The following TNFRSF8 variants were observed in gnomAD, a reference collection of about 807,000 sequenced individuals.
TNFRSF8 encodes tumor necrosis factor receptor superfamily member 8.
TNFRSF8 carries 26 observed loss-of-function variants against 70.8 expected under a neutral mutation model. The ratio of observed to expected loss-of-function variants is 0.37; its 90% CI spans 0.27 to 0.51. The LOEUF (loss-of-function observed/expected upper bound fraction) is 0.51. Ranked by LOEUF, TNFRSF8 falls within the 20% of genes least tolerant of loss-of-function variation. The pLI, the probability that TNFRSF8 is intolerant of heterozygous loss-of-function variation, is 0.94. For synonymous variants in TNFRSF8, 356 were observed against 339.2 expected (o/e 1.05, Z -0.54); for missense variants, 720 against 807.9 (o/e 0.89, Z 1.32).
At chr1:12,134,704 C>G (rs1642113329) in intron 12 of TNFRSF8, among the ~76,000 whole-genome samples, 1 of 152,208 alleles carries the variant, frequency 6.6e-6, no homozygotes, top group Non-Finnish European at 1.5e-5. Flanking sequence ...CAGCTGGAGT[C>G]AGAAGGGCTC....
At chr1:12,103,616 T>G (rs1433257083) in intron 3 of TNFRSF8, among the ~76,000 whole-genome samples, 1 of 151,914 alleles carries the variant, frequency 6.6e-6, no homozygotes, top group African/African-American at 2.4e-5. Flanking sequence ...ACTACAGGCA[T>G]GTGCTACCAT....
Position 12,063,372 on chromosome 1 carries a change from A to G in TNFRSF8, c.-227A>G. The G allele has an allele frequency of 5.1e-6, 2 of 393,854 alleles. No homozygotes were observed. Among genetic ancestry groups the G allele is most frequent in the Non-Finnish European group, 4.5e-6 (1 of 223,892 alleles). The allele number at this position is 393,854 out of a possible 1,614,324, so 24.4% of individuals were successfully genotyped here. ...TTGTAGCTAAGTGTTCCTGGAACCA[A>G]TTTGATACGGGAGAACTAAGGCTGA... is the stretch of plus-strand genomic sequence containing the variant. On this transcript the variant is annotated 5_prime_UTR_variant, in exon 1 of 15. Transcript: ENST00000263932. This position sits in a 1 kb window ranked among gnomAD's most constrained non-coding sequence, Gnocchi z 7.2.
intron 12 of TNFRSF8, among the ~76,000 whole-genome samples, chr1:12,130,401 C>T (rs190711794): frequency 6.6e-6 from 1 of 152,302 alleles, no homozygotes; most frequent in Admixed American, 6.5e-5. Context: ...GTGCTTTGAG[C>T]ACGTCCCTTA....
In TNFRSF8 at chr1:12,142,366, G is replaced by C; in HGVS notation, c.1623G>C (p.Ala541=). The C allele has an allele frequency of 6.2e-7, 1 of 1,610,138 alleles. No homozygotes were observed. Among genetic ancestry groups the C allele is most frequent in the Non-Finnish European group, 8.5e-7 (1 of 1,178,534 alleles). ...KAELPEGRGL[A]GPAEPELEEE... ...AGCTGCCGGAGGGCCGGGGCCTGGC[G>C]GGGCCAGCAGAGCCCGAGTTGGAGG... is the stretch of plus-strand genomic sequence containing the variant. Residue 541 remains alanine (A), a synonymous_variant, in exon 15 of 15, where the codon GCG becomes GCC. Coordinates refer to ENST00000263932, the MANE Select transcript of TNFRSF8 (RefSeq NM_001243.5). This position sits in a 1 kb window ranked among gnomAD's most constrained non-coding sequence, Gnocchi z 5.0.
chr1:12,087,987 C>A (rs1641184188), intron 2 of TNFRSF8, among the ~76,000 whole-genome samples: 1 of 151,972 alleles, frequency 6.6e-6, no homozygotes, highest in African/African-American at 2.4e-5. Flanking sequence ...AAAAGAAAAA[C>A]CCACAAAAAC....
At chr1:12,083,948 A>T (rs1641108493) in intron 1 of TNFRSF8, among the ~76,000 whole-genome samples, 1 of 152,148 alleles carries the variant, frequency 6.6e-6, no homozygotes, top group Non-Finnish European at 1.5e-5. Flanking sequence ...AGGGGGGATG[A>T]CGGAGGAGCT....
At chr1:12,074,979 G>A (rs529678321) in intron 1 of TNFRSF8, among the ~76,000 whole-genome samples, 6 of 152,168 alleles carry the variant, frequency 3.9e-5, no homozygotes, top group African/African-American at 7.2e-5. Context: ...TTGTTAGGCC[G>A]GGCACAGTGG....
chr1:12,091,597 T>C (rs1641248993), intron 2 of TNFRSF8, among the ~76,000 whole-genome samples: 1 of 151,952 alleles, frequency 6.6e-6, no homozygotes, highest in African/African-American at 2.4e-5. Context: ...CATGAGAAGA[T>C]GGTATTTCAG....
chr1:12,082,976 A>G (rs1279022450), intron 1 of TNFRSF8, among the ~76,000 whole-genome samples: 2 of 152,172 alleles, frequency 1.3e-5, no homozygotes, highest in Admixed American at 1.3e-4. Context: ...CAGACAACCC[A>G]ATTAAAAAAA....
chr1:12,079,043 T>C (rs1201589938), intron 1 of TNFRSF8, among the ~76,000 whole-genome samples: 2 of 152,162 alleles, frequency 1.3e-5, no homozygotes, highest in Non-Finnish European at 2.9e-5. Context: ...GGAGGGGTGC[T>C]TACCTCGCTG....
rs141929504 is a variant in TNFRSF8 at position 12,121,733 on chromosome 1, A to G, written c.947-1551A>G. ...AGCAATCCAGCCACCCTTCCTAGGC[A>G]CTCAAGAGGAATGAAATTATACGTT... On this transcript the variant is annotated intron_variant, in intron 8 of 14. Coordinates refer to ENST00000263932, the MANE Select transcript of TNFRSF8 (RefSeq NM_001243.5). 6.0e-4 allele frequency among the ~76,000 whole-genome samples: 91 copies of G among 152,264 alleles called. 2 individuals carry two copies. In the East Asian group the frequency reaches 8.7e-3, roughly 15 times the overall value.
intron 2 of TNFRSF8, among the ~76,000 whole-genome samples, chr1:12,085,613 A>C (rs1641140554): frequency 6.6e-6 from 1 of 152,170 alleles, no homozygotes; most frequent in Non-Finnish European, 1.5e-5. Flanking sequence ...AACCTGGACA[A>C]TAGATTTCTC....
chr1:12,078,646 C>A (rs115306316), intron 1 of TNFRSF8, among the ~76,000 whole-genome samples: 30 of 152,242 alleles, frequency 2.0e-4, no homozygotes, highest in African/African-American at 4.8e-4. Context: ...AGCACCCCCC[C>A]ACCCCAGGCA....
chr1:12,095,990 AG>A (rs1384646352), intron 2 of TNFRSF8, among the ~76,000 whole-genome samples: 2 of 152,220 alleles, frequency 1.3e-5, no homozygotes, highest in Non-Finnish European at 2.9e-5. Context: ...GGGCTTAACT[AG>A]CCCTTTCAGC....
In TNFRSF8 at chr1:12,143,287, G is replaced by A. The variant is rs1642292986; in HGVS notation, c.*756G>A. On this transcript the variant is annotated 3_prime_UTR_variant, in exon 15 of 15. Coordinates refer to ENST00000263932, the MANE Select transcript of TNFRSF8 (RefSeq NM_001243.5). The surrounding 1 kb of genome is among the most constrained non-coding windows in gnomAD (Gnocchi z 4.1). The stretch of plus-strand genomic sequence containing the variant: ...TCCCCACCAATCCCCGCCACAGCAG[G>A]CGCCTCGGGTCCCAGATGTCTGCAG... 6.6e-6 allele frequency: 1 copy of A among 152,494 alleles called. No individual in the cohort carries two copies. The highest frequency in any genetic ancestry group is 1.5e-5 in the Non-Finnish European group (1 of 68,148). The allele number at this position is 152,494 out of a possible 1,614,324, so 9.4% of individuals were successfully genotyped here.
In TNFRSF8 at chr1:12,109,728, A is replaced by T. The variant is rs1641594323; in HGVS notation, c.512+72A>T. ...AGATGAGGCTGCCCCACCCCACAGG[A>T]CGCCCATGGTACAACTGGGCTGGGG... is the stretch of plus-strand genomic sequence containing the variant. On this transcript the variant is annotated intron_variant, in intron 5 of 14. Transcript: ENST00000263932. This position sits in a 1 kb window ranked among gnomAD's most constrained non-coding sequence, Gnocchi z 4.4. 3.0e-6 allele frequency: 4 copies of T among 1,334,838 alleles called. No individual in the cohort carries two copies. Among genetic ancestry groups the T allele is most frequent in the Non-Finnish European group, 4.3e-6 (4 of 936,084 alleles). The allele number at this position is 1,334,838 out of a possible 1,614,324, so 82.7% of individuals were successfully genotyped here. A position where few individuals can be genotyped will look rare whatever the true frequency, so the allele number is the denominator to read the frequency against.
chr1:12,129,430 C>G (rs1642005452), intron 12 of TNFRSF8, among the ~76,000 whole-genome samples: 1 of 152,196 alleles, frequency 6.6e-6, no homozygotes, highest in Non-Finnish European at 1.5e-5. Flanking sequence ...ACAATGAATT[C>G]TCAGGCCCTG....
rs956458686 is a variant in TNFRSF8, at chr1:12,063,595, G to A, written c.-4G>A. 23 of 1,309,290 alleles carry A rather than the reference G, an allele frequency of 1.8e-5. No homozygotes were observed. The highest frequency in any genetic ancestry group is 2.3e-5 in the Non-Finnish European group (23 of 1,020,566). The allele number at this position is 1,309,290 out of a possible 1,614,324, so 81.1% of individuals were successfully genotyped here. A position where few individuals can be genotyped will look rare whatever the true frequency, so the allele number is the denominator to read the frequency against. ...GCCAGGCCACCTCACGTCCGGCCCC[G>A]GGGATGCGCGTCCTCCTCGCCGCGC... On this transcript the variant is annotated 5_prime_UTR_variant, in exon 1 of 15. Coordinates refer to ENST00000263932, the MANE Select transcript of TNFRSF8 (RefSeq NM_001243.5). The surrounding 1 kb of genome is among the most constrained non-coding windows in gnomAD (Gnocchi z 7.2).
chr1:12,064,003 C>T (rs1640694535), intron 1 of TNFRSF8, among the ~76,000 whole-genome samples: 1 of 152,278 alleles, frequency 6.6e-6, no homozygotes, highest in East Asian at 1.9e-4. Flanking sequence ...CAGGTGAGGC[C>T]GTGGGAGTAG....
Sources: gnomAD v4.1 joint callset for allele counts (sites outside exome capture counted in the v4.1 genomes callset) on GRCh38, gnomAD v4.1.1 for gene constraint, Gnocchi (gnomAD v3.1) non-coding constraint, MANE v1.5 for transcripts, NCBI Gene and HGNC (gene_info 2026-07-23, HGNC 2026-07-21) for gene names.